The following LHFPL3 variants were observed in gnomAD, a reference collection of about 807,000 sequenced individuals.
LHFPL3 encodes LHFPL tetraspan subfamily member 3 protein.
In LHFPL3, 5 loss-of-function variants were observed where a neutral mutation model predicts 19.3. The ratio of observed to expected loss-of-function variants is 0.26; its 90% CI spans 0.14 to 0.54. The LOEUF (loss-of-function observed/expected upper bound fraction) is 0.54. LHFPL3 is among the 20% of genes least tolerant of loss of function. The pLI, the probability that LHFPL3 is intolerant of heterozygous loss-of-function variation, is 0.94. For missense variants in LHFPL3, 249 were observed against 307.4 expected, an observed-to-expected ratio of 0.81 and a Z score of 1.42; for synonymous variants, 133 against 126.2, an observed-to-expected ratio of 1.05 and a Z score of -0.36.
At chr7:104,442,614 G>A (rs916588052) in intron 1 of LHFPL3, among the ~76,000 whole-genome samples, 1 of 152,186 alleles carries the variant, frequency 6.6e-6, no homozygotes, top group African/African-American at 2.4e-5. Context: ...GGGTTTTTAG[G>A]TTGATGATTC....
rs184426609 is a variant in LHFPL3, at chr7:104,711,290, T to C, written c.446-25385T>C. Among the ~76,000 whole-genome samples, 40 of 152,320 alleles carry C rather than the reference T, an allele frequency of 2.6e-4. No individual in the cohort carries two copies. The East Asian group carries it at 5.8e-3, about 22-fold the overall frequency. ...GAGATGCCAGCTGCAATTTAGATGCTTGCTGCAATTCAGATGAGTTCAGCC... is the reference window on the plus strand; with the variant it reads ...GAGATGCCAGCTGCAATTTAGATGCCTGCTGCAATTCAGATGAGTTCAGCC... On this transcript the variant is annotated intron_variant, in intron 1 of 2. Coordinates refer to ENST00000424859, the MANE Select transcript of LHFPL3 (RefSeq NM_199000.3).
intron 1 of LHFPL3, among the ~76,000 whole-genome samples, chr7:104,734,320 A>G (rs1793762940): frequency 6.6e-6 from 1 of 152,154 alleles, no homozygotes; most frequent in Non-Finnish European, 1.5e-5. Flanking sequence ...GTGTTTTCCA[A>G]CTTGGTTCCA....
intron 1 of LHFPL3, chr7:104,668,274 G>A (rs1199011455): frequency 6.2e-7 from 1 of 1,607,670 alleles, no homozygotes; most frequent in Non-Finnish European, 8.5e-7. Context: ...TCAAGCACTG[G>A]ATAAAGACAG....
intron 1 of LHFPL3, among the ~76,000 whole-genome samples, chr7:104,703,725 C>G (rs1230953015): frequency 6.6e-6 from 1 of 152,074 alleles, no homozygotes; most frequent in African/African-American, 2.4e-5. Flanking sequence ...GTTGTGATAA[C>G]TAATATTTTT....
intron 1 of LHFPL3, among the ~76,000 whole-genome samples, chr7:104,606,559 T>C (rs1791106996): frequency 6.6e-6 from 1 of 152,156 alleles, no homozygotes; most frequent in Admixed American, 6.5e-5. Context: ...CTCAAAGGAT[T>C]GTAAGGAAGG....
At position 104,830,199 on chromosome 7, in the gene LHFPL3, T is replaced by C. The variant is rs948806939; in HGVS notation, c.683-75988T>C. On this transcript the variant is annotated intron_variant, in intron 2 of 2. Transcript: ENST00000424859. ...GGTTGTTTGTTTTTTTCTTGTAAAT[T>C]TGTTTGAGTTCATTGTAGATTCTGG... 1.5e-4 allele frequency among the ~76,000 whole-genome samples: 23 copies of C among 152,050 alleles called. No homozygotes were observed. The South Asian group carries it at 4.1e-3, about 27-fold the overall frequency.
intron 1 of LHFPL3, among the ~76,000 whole-genome samples, chr7:104,413,742 G>A (rs1197458393): frequency 2.0e-5 from 3 of 152,146 alleles, no homozygotes; most frequent in Non-Finnish European, 4.4e-5. Context: ...TTCTTCTACA[G>A]ATGTGAGTGT....
intron 2 of LHFPL3, among the ~76,000 whole-genome samples, chr7:104,834,168 C>T (rs921542814): frequency 1.3e-5 from 2 of 151,248 alleles, no homozygotes; most frequent in Middle Eastern, 3.2e-3. Flanking sequence ...CCTTCCCCAG[C>T]CCACTGACTC....
At chr7:104,616,528 A>G (rs1791344445) in intron 1 of LHFPL3, among the ~76,000 whole-genome samples, 1 of 152,222 alleles carries the variant, frequency 6.6e-6, no homozygotes, top group South Asian at 2.1e-4. Flanking sequence ...CTAAAACCAT[A>G]AAAACCCTAG....
intron 1 of LHFPL3, among the ~76,000 whole-genome samples, chr7:104,375,520 G>A (rs1272249495): frequency 6.6e-6 from 1 of 152,064 alleles, no homozygotes; most frequent in Admixed American, 6.6e-5. Context: ...TGGACTTGAC[G>A]GGAAAAATTA....
chr7:104,459,709 A>G (rs1291962951), intron 1 of LHFPL3, among the ~76,000 whole-genome samples: 1 of 152,176 alleles, frequency 6.6e-6, no homozygotes, highest in Admixed American at 6.6e-5. Context: ...AGAGGGCTTT[A>G]TTCTTGTCCT....
chr7:104,345,729 A>G (rs550624497), intron 1 of LHFPL3, among the ~76,000 whole-genome samples: 1 of 152,076 alleles, frequency 6.6e-6, no homozygotes, highest in South Asian at 2.1e-4. Flanking sequence ...TTTTTTTCTG[A>G]GTTATGTGAT....
At chr7:104,573,421 A>AG (rs1053999634) in intron 1 of LHFPL3, among the ~76,000 whole-genome samples, 24 of 151,914 alleles carry the variant, frequency 1.6e-4, no homozygotes, top group African/African-American at 5.6e-4. Flanking sequence ...AAAAAAAAAA[A>AG]AAAGAAAGTA....
chr7:104,573,289 G>C (rs7797406), intron 1 of LHFPL3, among the ~76,000 whole-genome samples: 8 of 151,720 alleles, frequency 5.3e-5, no homozygotes, highest in Non-Finnish European at 1.5e-5. Flanking sequence ...GCGGGCACCT[G>C]TAATCCTAGC....
intron 1 of LHFPL3, among the ~76,000 whole-genome samples, chr7:104,686,210 A>C (rs1792802425): frequency 6.6e-6 from 1 of 152,166 alleles, no homozygotes; most frequent in Non-Finnish European, 1.5e-5. Context: ...AAGTACACAG[A>C]GATGGAAGAG....
At chr7:104,893,300 G>A (rs553489956) in intron 2 of LHFPL3, among the ~76,000 whole-genome samples, 19 of 151,938 alleles carry the variant, frequency 1.3e-4, no homozygotes, top group Non-Finnish European at 2.5e-4. Flanking sequence ...GATCACTTGA[G>A]GTCAGGAGTT....
intron 2 of LHFPL3, among the ~76,000 whole-genome samples, chr7:104,847,490 G>A (rs1158368819): frequency 6.6e-6 from 1 of 152,054 alleles, no homozygotes; most frequent in Non-Finnish European, 1.5e-5. Context: ...TCTTTCCATG[G>A]TAAGTAAATG....
intron 1 of LHFPL3, among the ~76,000 whole-genome samples, chr7:104,423,491 A>G (rs1791774886): frequency 6.6e-6 from 1 of 152,108 alleles, no homozygotes; most frequent in Admixed American, 6.6e-5. Flanking sequence ...GTGCATGCCT[A>G]CCGTCCCAGC....
chr7:104,811,221 GT>G (rs1346976228), intron 2 of LHFPL3, among the ~76,000 whole-genome samples: 1 of 145,170 alleles, frequency 6.9e-6, no homozygotes, highest in Non-Finnish European at 1.5e-5. Context: ...TTGACACAGG[GT>G]CTCCCTCTGT....
Sources: allele counts gnomAD v4.1 joint callset (sites outside exome capture counted in the v4.1 genomes callset), GRCh38; gene constraint gnomAD v4.1.1; transcripts MANE v1.5; gene names NCBI Gene and HGNC (gene_info 2026-07-23, HGNC 2026-07-21).